Variants in LSAMP observed in about 807,000 individuals in gnomAD.
LSAMP encodes limbic system associated membrane protein.
In LSAMP, 7 loss-of-function variants were observed where a neutral mutation model predicts 38.6. The observed-to-expected ratio is 0.18, with a 90% CI of 0.10 to 0.34. LSAMP has a LOEUF of 0.34. LSAMP is among the 10% of genes least tolerant of loss of function. The pLI, the probability that LSAMP is intolerant of heterozygous loss-of-function variation, is 1.00. For missense variants in LSAMP, 313 were observed against 420.0 expected (o/e 0.75, Z 2.23); for synonymous variants, 154 against 166.8 (o/e 0.92, Z 0.59).
intron 3 of LSAMP, among the ~76,000 whole-genome samples, chr3:115,954,333 C>T (rs1938387389): frequency 6.6e-6 from 1 of 152,168 alleles, no homozygotes; most frequent in Non-Finnish European, 1.5e-5. Flanking sequence ...TATCTCCACG[C>T]TTAGCCATTC....
At chr3:116,227,314 C>G (rs780176173) in intron 1 of LSAMP, among the ~76,000 whole-genome samples, 5 of 152,170 alleles carry the variant, frequency 3.3e-5, no homozygotes, top group Non-Finnish European at 5.9e-5. Flanking sequence ...TCAGAAATAT[C>G]TCCCAGCTAA....
intron 1 of LSAMP, among the ~76,000 whole-genome samples, chr3:116,341,681 C>A (rs1378086036): frequency 4.6e-5 from 7 of 151,882 alleles, no homozygotes; most frequent in Non-Finnish European, 8.8e-5. Flanking sequence ...GATATGGCTG[C>A]CAAAGGGGCT....
At chr3:115,948,851 G>A (rs1478922280) in intron 3 of LSAMP, among the ~76,000 whole-genome samples, 1 of 152,150 alleles carries the variant, frequency 6.6e-6, no homozygotes, top group East Asian at 1.9e-4. Context: ...TATAAATGAA[G>A]GCTAGGCATG....
At chr3:115,997,574 G>A (rs1357133813) in intron 3 of LSAMP, among the ~76,000 whole-genome samples, 1 of 150,834 alleles carries the variant, frequency 6.6e-6, no homozygotes, top group Non-Finnish European at 1.5e-5. Context: ...GGCACAGGAG[G>A]TACAGTACAG....
chr3:115,956,404 T>C lies in LSAMP; in HGVS notation c.514+63111A>G, dbSNP rs181068864. Among the ~76,000 whole-genome samples, 485 of 151,732 alleles carry C rather than the reference T, an allele frequency of 3.2e-3. 4 individuals carry two copies. Among genetic ancestry groups the C allele is most frequent in the African/African-American group, 0.011 (462 of 41,322 alleles). On this transcript the variant is annotated intron_variant, in intron 3 of 6. Coordinates refer to ENST00000490035, the MANE Select transcript of LSAMP (RefSeq NM_002338.5). Reference sequence around the variant, plus strand: ...CACTTCTCAGTGACCTTAATCCCCATAGAGGAGAAAAACTCTGACATGGCA... The same window carrying C: ...CACTTCTCAGTGACCTTAATCCCCACAGAGGAGAAAAACTCTGACATGGCA...
chr3:116,444,751 G>C, intron 1 of LSAMP, 126 bp downstream of exon 1: 2 of 1,201,462 alleles, frequency 1.7e-6, no homozygotes, highest in Non-Finnish European at 2.4e-6. Context: ...CACACCACAA[G>C]CCTGCAGCAT....
At chr3:116,192,609 A>G (rs371532668) in intron 1 of LSAMP, among the ~76,000 whole-genome samples, 2 of 152,324 alleles carry the variant, frequency 1.3e-5, no homozygotes, top group East Asian at 3.9e-4. Context: ...ATATGAAAAC[A>G]TTATTAATAA....
intron 1 of LSAMP, among the ~76,000 whole-genome samples, chr3:116,368,558 T>C (rs536711274): frequency 6.6e-5 from 10 of 152,250 alleles, no homozygotes; most frequent in African/African-American, 2.4e-4. Context: ...GCATGAAGAG[T>C]CTTTGGTTGG....
chr3:116,024,611 A>G (rs1940734969), intron 2 of LSAMP, among the ~76,000 whole-genome samples: 1 of 152,216 alleles, frequency 6.6e-6, no homozygotes, highest in African/African-American at 2.4e-5. Context: ...ACGGAGAAAT[A>G]GATAGATAGA....
intron 1 of LSAMP, among the ~76,000 whole-genome samples, chr3:116,395,595 C>T (rs1022550882): frequency 1.3e-5 from 2 of 152,154 alleles, no homozygotes; most frequent in Admixed American, 1.3e-4. Context: ...TGCAAGCAAG[C>T]ACAAATCCTG....
chr3:116,351,210 G>A (rs1295120416), intron 1 of LSAMP, among the ~76,000 whole-genome samples: 1 of 152,022 alleles, frequency 6.6e-6, no homozygotes, highest in Non-Finnish European at 1.5e-5. Flanking sequence ...ATTGCTGAGA[G>A]TGAAGGCAGT....
At chr3:116,014,707 T>C (rs1355017570) in intron 3 of LSAMP, among the ~76,000 whole-genome samples, 1 of 152,212 alleles carries the variant, frequency 6.6e-6, no homozygotes, top group Non-Finnish European at 1.5e-5. Flanking sequence ...AAACTTGAAC[T>C]GTAGAAAATG....
chr3:116,439,310 G>T (rs537971815), intron 1 of LSAMP, among the ~76,000 whole-genome samples: 235 of 137,650 alleles, frequency 1.7e-3, no homozygotes, highest in African/African-American at 6.1e-3. Flanking sequence ...TAGGTCCTGA[G>T]ATTTTGTTGT....
chr3:115,814,511 A>C lies in LSAMP; in HGVS notation c.920-4097T>G, dbSNP rs370853111. Among the ~76,000 whole-genome samples the C allele has an allele frequency of 1.1e-3, 164 of 152,322 alleles. 1 individual carries two copies. Among genetic ancestry groups the C allele is most frequent in the African/African-American group, 3.8e-3 (156 of 41,580 alleles). ...GTAAAGGACCAGGTGATTTTTCAAC[A>C]CCTGTTTTAGCGTATGCTTAGAGAC... On this transcript the variant is annotated intron_variant, in intron 6 of 6. Coordinates refer to ENST00000490035, the MANE Select transcript of LSAMP (RefSeq NM_002338.5).
intron 1 of LSAMP, among the ~76,000 whole-genome samples, chr3:116,270,179 T>C (rs1274588385): frequency 6.6e-6 from 1 of 152,134 alleles, no homozygotes; most frequent in Admixed American, 6.6e-5. Flanking sequence ...AAACATGTCC[T>C]AATAAGTATG....
chr3:115,828,546 G>A (rs1934503602), intron 6 of LSAMP, among the ~76,000 whole-genome samples: 1 of 152,186 alleles, frequency 6.6e-6, no homozygotes, highest in Non-Finnish European at 1.5e-5. Flanking sequence ...GTGCTGCCGT[G>A]CACTCTAAAG....
At chr3:116,246,903 G>A (rs537727611) in intron 1 of LSAMP, among the ~76,000 whole-genome samples, 72 of 152,184 alleles carry the variant, frequency 4.7e-4, no homozygotes, top group African/African-American at 1.6e-3. Flanking sequence ...GAGTGGGGTG[G>A]GGTGGGGTCG....
intron 1 of LSAMP, among the ~76,000 whole-genome samples, chr3:116,240,372 C>T (rs1431785480): frequency 6.6e-6 from 1 of 151,988 alleles, no homozygotes; most frequent in Non-Finnish European, 1.5e-5. Flanking sequence ...GCAGTCAGTT[C>T]AGAGTTAAAA....
chr3:116,180,176 G>T (rs928084646), intron 1 of LSAMP, among the ~76,000 whole-genome samples: 16 of 152,028 alleles, frequency 1.1e-4, no homozygotes, highest in African/African-American at 2.4e-4. Context: ...TGTCTTGGGG[G>T]TATATCCGTG....
Sources: allele counts gnomAD v4.1 joint callset (sites outside exome capture counted in the v4.1 genomes callset), GRCh38; gene constraint gnomAD v4.1.1; transcripts MANE v1.5; gene names NCBI Gene and HGNC (gene_info 2026-07-23, HGNC 2026-07-21).